ERC2: variants seen among roughly 807,000 people sequenced by gnomAD.
ERC2 encodes ERC protein 2.
A neutral mutation model predicts 114.8 loss-of-function variants in ERC2; 42 were observed. That is an observed-to-expected ratio of 0.37 (90% CI 0.29 to 0.47). The LOEUF is 0.47. ERC2 is among the 20% of genes least tolerant of loss of function. ERC2 has a pLI of 0.99. For missense variants in ERC2, 939 were observed against 1,150.7 expected (o/e 0.82, Z 2.66); for synonymous variants, 454 against 425.5 (o/e 1.07, Z -0.82).
chr3:55,672,620 T>A (rs1170912486), intron 17 of ERC2, among the ~76,000 whole-genome samples: 1 of 151,946 alleles, frequency 6.6e-6, no homozygotes, highest in African/African-American at 2.4e-5. Flanking sequence ...CTGGCAAGGG[T>A]GCTATGTGAG....
intron 3 of ERC2, among the ~76,000 whole-genome samples, chr3:56,226,154 A>T (rs2050235723): frequency 6.6e-6 from 1 of 152,188 alleles, no homozygotes; most frequent in South Asian, 2.1e-4. Context: ...CCTACAAAAG[A>T]TTTAATGACC....
chr3:55,735,674 G>A (rs1031919022), intron 14 of ERC2, among the ~76,000 whole-genome samples: 2 of 152,014 alleles, frequency 1.3e-5, no homozygotes, highest in Non-Finnish European at 2.9e-5. Context: ...ATGAACTTTT[G>A]GGGGATACAT....
intron 3 of ERC2, among the ~76,000 whole-genome samples, chr3:56,245,423 C>G (rs1176638928): frequency 6.6e-6 from 1 of 151,848 alleles, no homozygotes; most frequent in East Asian, 1.9e-4. Flanking sequence ...GTATTGCTAG[C>G]TATGGATTAG....
intron 17 of ERC2, among the ~76,000 whole-genome samples, chr3:55,544,499 A>G (rs2054609357): frequency 1.3e-5 from 2 of 151,940 alleles, no homozygotes; most frequent in Admixed American, 1.3e-4. Flanking sequence ...CCCACCCCAT[A>G]TCAGTGGGGG....
At chr3:55,892,864 T>C (rs79822190) in intron 13 of ERC2, among the ~76,000 whole-genome samples, 1 of 152,116 alleles carries the variant, frequency 6.6e-6, no homozygotes. Context: ...AACTGATGCT[T>C]CTCTTAGTGT....
At position 56,013,045 on chromosome 3, in the gene ERC2, A is replaced by C. The variant is rs574003553; in HGVS notation, c.1780-2456T>G. Reference sequence around the variant, plus strand: ...TGCTTATCTGCTATGTGGCTACAGCAAGGCTTTGCGAGACCAGCTTTATAA... The same window carrying C: ...TGCTTATCTGCTATGTGGCTACAGCCAGGCTTTGCGAGACCAGCTTTATAA... On this transcript the variant is annotated intron_variant, in intron 8 of 17. Coordinates refer to ENST00000288221, the MANE Select transcript of ERC2 (RefSeq NM_015576.3). Among the ~76,000 whole-genome samples, 3 of 152,176 alleles carry C rather than the reference A, an allele frequency of 2.0e-5. No homozygotes were observed. In the South Asian group the frequency reaches 6.2e-4, roughly 32 times the overall value.
chr3:56,244,210 C>T (rs1015768469), intron 3 of ERC2, among the ~76,000 whole-genome samples: 3 of 152,060 alleles, frequency 2.0e-5, no homozygotes, highest in Admixed American at 2.0e-4. Context: ...CAGCACGAGG[C>T]ATTACTCATG....
intron 7 of ERC2, among the ~76,000 whole-genome samples, chr3:56,041,774 C>T (rs1277632307): frequency 1.3e-5 from 2 of 152,142 alleles, no homozygotes; most frequent in Non-Finnish European, 2.9e-5. Flanking sequence ...AGGTCCCTAG[C>T]CAATCCACTT....
At chr3:56,057,837 G>A (rs1025161936) in intron 7 of ERC2, among the ~76,000 whole-genome samples, 1 of 151,946 alleles carries the variant, frequency 6.6e-6, no homozygotes, top group East Asian at 1.9e-4. Flanking sequence ...ATGATAGATT[G>A]TATTAAAAGG....
intron 3 of ERC2, among the ~76,000 whole-genome samples, chr3:56,212,204 C>T (rs547430284): frequency 5.3e-5 from 8 of 152,192 alleles, no homozygotes; most frequent in South Asian, 4.1e-4. Context: ...AAAATCTATA[C>T]ATCTGACAAA....
intron 6 of ERC2, among the ~76,000 whole-genome samples, chr3:56,106,445 T>A (rs886502370): frequency 9.2e-5 from 14 of 152,200 alleles, no homozygotes; most frequent in South Asian, 4.1e-4. Context: ...ATAAGTGTGT[T>A]TATTCTTCAC....
chr3:56,045,450 C>T (rs901185962), intron 7 of ERC2, among the ~76,000 whole-genome samples: 8 of 152,074 alleles, frequency 5.3e-5, no homozygotes, highest in Non-Finnish European at 8.8e-5. Flanking sequence ...CTTTCCAGAG[C>T]CCAGTTTTGA....
chr3:56,458,056 A>G (rs2063143519), intron 1 of ERC2, among the ~76,000 whole-genome samples: 1 of 152,188 alleles, frequency 6.6e-6, no homozygotes, highest in South Asian at 2.1e-4. Flanking sequence ...CCCTATTCCC[A>G]GAAGAAGACT....
At chr3:55,656,230 C>T (rs1425125259) in intron 17 of ERC2, among the ~76,000 whole-genome samples, 2 of 152,180 alleles carry the variant, frequency 1.3e-5, no homozygotes, top group Non-Finnish European at 2.9e-5. Context: ...CCTTGAACTC[C>T]TGGTCTCAAG....
At chr3:55,515,518 C>A (rs2052431354) in intron 17 of ERC2, among the ~76,000 whole-genome samples, 1 of 151,864 alleles carries the variant, frequency 6.6e-6, no homozygotes. Context: ...CGGGCATGAG[C>A]CATGGTGCCC....
At chr3:56,203,358 G>A (rs897566621) in intron 3 of ERC2, among the ~76,000 whole-genome samples, 4 of 152,234 alleles carry the variant, frequency 2.6e-5, no homozygotes, top group Admixed American at 6.5e-5. Context: ...TTTGTAGTTC[G>A]TGACCTTTGG....
intron 3 of ERC2, among the ~76,000 whole-genome samples, chr3:56,182,014 A>G (rs2083315274): frequency 6.6e-6 from 1 of 152,208 alleles, no homozygotes; most frequent in Non-Finnish European, 1.5e-5. Flanking sequence ...AGCAACTCCC[A>G]AATTCCTGAC....
intron 17 of ERC2, among the ~76,000 whole-genome samples, chr3:55,648,556 T>C (rs1336637311): frequency 6.6e-6 from 1 of 152,156 alleles, no homozygotes; most frequent in African/African-American, 2.4e-5. Flanking sequence ...CAAGGGCCAC[T>C]TGAAAGATAC....
intron 6 of ERC2, among the ~76,000 whole-genome samples, chr3:56,088,347 G>GTT (rs201185426): frequency 6.6e-6 from 1 of 151,776 alleles, no homozygotes; most frequent in South Asian, 2.1e-4. Context: ...AACTAAAACT[G>GTT]TTTTTTTTGT....
Sources: allele counts gnomAD v4.1 joint callset (sites outside exome capture counted in the v4.1 genomes callset), GRCh38; gene constraint gnomAD v4.1.1; transcripts MANE v1.5; gene names NCBI Gene and HGNC (gene_info 2026-07-23, HGNC 2026-07-21).